Variants in PKD1L1 observed in about 807,000 individuals in gnomAD.
PKD1L1 encodes the protein polycystin 1 like 1, transient receptor potential channel interacting, also known as polycystin-1-like protein 1.
PKD1L1 carries 236 observed loss-of-function variants against 323.4 expected under a neutral mutation model. The ratio of observed to expected loss-of-function variants is 0.73; its 90% CI spans 0.66 to 0.81. PKD1L1 has a LOEUF of 0.81. PKD1L1 is among the 40% of genes least tolerant of loss of function. The pLI is 0.00. For missense variants in PKD1L1, 3,320 were observed against 3,508.0 expected (o/e 0.95, Z 1.35); for synonymous variants, 1,344 against 1,335.0 (o/e 1.01, Z -0.15).
intron 42 of PKD1L1, among the ~76,000 whole-genome samples, chr7:47,830,469 G>A (rs962190254): frequency 2.6e-5 from 4 of 152,234 alleles, no homozygotes; most frequent in African/African-American, 9.6e-5. Context: ...CTGGATGCTG[G>A]CGGGTGCTCC....
chr7:47,845,133 C>T (rs1368431318), intron 32 of PKD1L1, 55 bp from the exon 33 acceptor site: 6 of 1,425,222 alleles, frequency 4.2e-6, no homozygotes, highest in Non-Finnish European at 5.9e-6. Flanking sequence ...CAGCTGTTGA[C>T]AGTGTAATGG....
chr7:47,911,848 C>T (rs948941564), intron 8 of PKD1L1, among the ~76,000 whole-genome samples: 5 of 149,490 alleles, frequency 3.3e-5, no homozygotes, highest in Admixed American at 1.3e-4. Flanking sequence ...CATGTGTGTA[C>T]GCAACACACA....
At chr7:47,780,418 G>C (rs1328381586) in intron 56 of PKD1L1, among the ~76,000 whole-genome samples, 1 of 152,110 alleles carries the variant, frequency 6.6e-6, no homozygotes, top group African/African-American at 2.4e-5. Flanking sequence ...GATGACTTGA[G>C]GTCAGGAGTT....
At chr7:47,940,383 G>T in intron 2 of PKD1L1, 66 bp from the exon 3 acceptor site, 1 of 1,546,124 alleles carries the variant, frequency 6.5e-7, no homozygotes, top group Non-Finnish European at 8.8e-7. Flanking sequence ...AGAACATAAA[G>T]CTGGAGAAGC....
chr7:47,857,244 C>T (rs1180868315), intron 28 of PKD1L1, among the ~76,000 whole-genome samples: 1 of 152,212 alleles, frequency 6.6e-6, no homozygotes, highest in East Asian at 1.9e-4. Context: ...ATATCTTCAT[C>T]GTTCTAAAGA....
chr7:47,785,209 G>A (rs114084157), intron 56 of PKD1L1, among the ~76,000 whole-genome samples: 1,640 of 152,138 alleles, frequency 0.011, 32 homozygotes, highest in African/African-American at 0.036. Context: ...GACCCCTCTC[G>A]GCTTCACATG....
At chr7:47,863,474 G>C (rs1274633084) in intron 26 of PKD1L1, among the ~76,000 whole-genome samples, 1 of 152,062 alleles carries the variant, frequency 6.6e-6, no homozygotes, top group African/African-American at 2.4e-5. Flanking sequence ...ACAAAGCTCT[G>C]AGATACTGAC....
At chr7:47,804,489 T>A (rs199809156) in intron 52 of PKD1L1, among the ~76,000 whole-genome samples, 15 of 140,928 alleles carry the variant, frequency 1.1e-4, no homozygotes, top group African/African-American at 2.7e-4. Flanking sequence ...TTTTTTTTTT[T>A]GAGAGAGAGT....
At chr7:47,856,387 A>G (rs1785905153) in intron 28 of PKD1L1, among the ~76,000 whole-genome samples, 1 of 152,212 alleles carries the variant, frequency 6.6e-6, no homozygotes, top group Non-Finnish European at 1.5e-5. Flanking sequence ...AAATTCCCTG[A>G]TTGACATAAT....
At chr7:47,787,659 G>A (rs1005402956) in intron 56 of PKD1L1, among the ~76,000 whole-genome samples, 2 of 152,116 alleles carry the variant, frequency 1.3e-5, no homozygotes, top group African/African-American at 2.4e-5. Context: ...AAATTAAGCG[G>A]GTTTAAAGGA....
At chr7:47,958,960 T>C in the PKD1L1 span, among the ~76,000 whole-genome samples, 1 of 152,232 alleles carries the variant, frequency 6.6e-6, no homozygotes, top group Non-Finnish European at 1.5e-5. Context: ...TGCCTGCGAT[T>C]GCAGGCGCGC....
intron 37 of PKD1L1, 62 bp downstream of exon 37, chr7:47,836,859 A>G: frequency 7.2e-6 from 11 of 1,532,842 alleles, no homozygotes; most frequent in Non-Finnish European, 8.9e-6. Context: ...TTTCTTAGGC[A>G]AAAAGGGGCC....
intron 31 of PKD1L1, among the ~76,000 whole-genome samples, chr7:47,851,290 G>A (rs1785777964): frequency 6.6e-6 from 1 of 152,202 alleles, no homozygotes; most frequent in African/African-American, 2.4e-5. Flanking sequence ...AGAAGCACTT[G>A]AGGATTGTGA....
intron 43 of PKD1L1, 125 bp from the exon 44 acceptor site, chr7:47,829,726 T>A: frequency 9.4e-7 from 1 of 1,061,872 alleles, no homozygotes; most frequent in Non-Finnish European, 1.4e-6. Context: ...ACACCAGTAG[T>A]CACTGCCTTG....
intron 26 of PKD1L1, among the ~76,000 whole-genome samples, chr7:47,863,832 A>C (rs1583629660): frequency 6.6e-6 from 1 of 152,122 alleles, no homozygotes; most frequent in Non-Finnish European, 1.5e-5. Flanking sequence ...AGGCAGGCTG[A>C]GCCACACAGT....
intron 24 of PKD1L1, among the ~76,000 whole-genome samples, chr7:47,872,580 T>C (rs979380574): frequency 1.4e-4 from 22 of 152,208 alleles, no homozygotes; most frequent in Admixed American, 1.2e-3. Context: ...ATACAAAGCA[T>C]ATGAAAAGAT....
intron 21 of PKD1L1, among the ~76,000 whole-genome samples, chr7:47,880,263 T>G (rs1198675494): frequency 5.7e-5 from 5 of 88,346 alleles, no homozygotes; most frequent in African/African-American, 3.1e-4. Context: ...TATATATATA[T>G]ACATATATAT....
chr7:47,834,515 T>C, intron 39 of PKD1L1, 130 bp from the exon 40 acceptor site: 1 of 763,676 alleles, frequency 1.3e-6, no homozygotes, highest in South Asian at 1.6e-5. Context: ...TCAGCCAGAA[T>C]GAGTATTTCT....
chr7:47,866,363 C>G, intron 25 of PKD1L1, 56 bp downstream of exon 25: 1 of 1,558,870 alleles, frequency 6.4e-7, no homozygotes, highest in Non-Finnish European at 8.7e-7. Flanking sequence ...CAGTCATGAG[C>G]CCTGCCACTT....
Sources: gnomAD v4.1 joint callset for allele counts (sites outside exome capture counted in the v4.1 genomes callset) on GRCh38, gnomAD v4.1.1 for gene constraint, MANE v1.5 for transcripts, NCBI Gene and HGNC (gene_info 2026-07-23, HGNC 2026-07-21) for gene names.